SH3RF2: variants seen among roughly 807,000 people sequenced by gnomAD.
The protein encoded by SH3RF2 is E3 ubiquitin-protein ligase SH3RF2.
Under a neutral mutation model 59.0 loss-of-function variants are expected in SH3RF2, and 43 were observed. The ratio of observed to expected loss-of-function variants is 0.73; its 90% CI spans 0.57 to 0.94. SH3RF2 has a LOEUF of 0.94. Ranked by LOEUF, SH3RF2 falls within the 40% of genes least tolerant of loss-of-function variation. SH3RF2 has a pLI of 0.00. For missense variants in SH3RF2, 930 were observed against 940.1 expected (o/e 0.99, Z 0.14); for synonymous variants, 391 against 391.5 (o/e 1.00, Z 0.01).
At chr5:145,943,628 A>G (rs1309304908) in intron 2 of SH3RF2, among the ~76,000 whole-genome samples, 4 of 152,196 alleles carry the variant, frequency 2.6e-5, no homozygotes, top group Non-Finnish European at 4.4e-5. Context: ...CACTTAAGTG[A>G]TCAGGGTAAT....
chr5:146,010,109 A>G (rs1178410867), intron 4 of SH3RF2, among the ~76,000 whole-genome samples: 3 of 150,958 alleles, frequency 2.0e-5, no homozygotes, highest in Admixed American at 2.0e-4. Flanking sequence ...ATTCCCACCT[A>G]TGAGTGAGAA....
chr5:145,995,037 A>C (rs1444755873), intron 2 of SH3RF2, among the ~76,000 whole-genome samples: 1 of 151,316 alleles, frequency 6.6e-6, no homozygotes, highest in Non-Finnish European at 1.5e-5. Context: ...TCATTCAGCA[A>C]GGTGGAAGTT....
Position 146,062,486 on chromosome 5 carries a change from C to T in SH3RF2, c.1975C>T (p.His659Tyr). 1 of 1,614,212 alleles carries T rather than the reference C, an allele frequency of 6.2e-7. No individual in the cohort carries two copies. The highest frequency in any genetic ancestry group is 8.5e-7 in the Non-Finnish European group (1 of 1,180,030). ...TCCTCCCACCAAACATTACACCTCC[C>T]ATCCCACCTCCGGAAAGCCTGAACA... ...SPPPTKHYTSHPTSGKPEQPA... is the reference protein window; with the variant it reads ...SPPPTKHYTSYPTSGKPEQPA... Residue 659 changes from histidine (H) to tyrosine (Y), a missense_variant, in exon 10 of 10, where the codon CAT becomes TAT. Transcript: ENST00000359120.
At chr5:145,955,045 C>T (rs961061276) in intron 2 of SH3RF2, among the ~76,000 whole-genome samples, 1 of 152,128 alleles carries the variant, frequency 6.6e-6, no homozygotes, top group Non-Finnish European at 1.5e-5. Flanking sequence ...ATGATCCAAT[C>T]GCCTCCCACT....
intron 3 of SH3RF2, among the ~76,000 whole-genome samples, chr5:146,003,072 G>C (rs1760492940): frequency 6.6e-6 from 1 of 152,216 alleles, no homozygotes; most frequent in South Asian, 2.1e-4. Flanking sequence ...GAATGTCAGA[G>C]AGATCAGAAG....
chr5:146,035,953 A>T (rs760098077), intron 5 of SH3RF2, among the ~76,000 whole-genome samples: 1 of 152,200 alleles, frequency 6.6e-6, no homozygotes. Context: ...CAGATGCTTT[A>T]CAAGCATCTT....
At chr5:145,974,284 A>C (rs1175016243) in intron 2 of SH3RF2, among the ~76,000 whole-genome samples, 3 of 152,152 alleles carry the variant, frequency 2.0e-5, no homozygotes, top group Admixed American at 2.0e-4. Flanking sequence ...AACATGAATT[A>C]ATCATAGGGT....
chr5:146,030,537 G>C (rs1359916574), intron 5 of SH3RF2, among the ~76,000 whole-genome samples: 2 of 152,184 alleles, frequency 1.3e-5, no homozygotes, highest in African/African-American at 2.4e-5. Context: ...GCCCTCATCT[G>C]TCTACGTCTG....
In SH3RF2 at chr5:146,013,828, T is replaced by A. The variant is rs1348223532; in HGVS notation, c.826T>A (p.Ser276Thr). 5 of 1,614,156 alleles carry A rather than the reference T, an allele frequency of 3.1e-6. No homozygotes were observed. Among genetic ancestry groups the A allele is most frequent in the Non-Finnish European group, 4.2e-6 (5 of 1,180,014 alleles). Reference protein sequence around the residue: ...SRTKNLSLVSSSSRGNTSTLR... With the variant: ...SRTKNLSLVSTSSRGNTSTLR... ...CACAAAAAACCTGTCCCTGGTGTCC[T>A]CGTCCTCCAGAGGCAACACGTCTAC... The change falls in exon 5 of 10, where the codon TCG (serine) becomes ACG (threonine). Residue 276 changes from serine to threonine, a missense_variant. Physicochemically the swap from Ser to Thr is moderately conservative, Grantham distance 58 (BLOSUM62 1). Transcript: ENST00000359120.
intron 7 of SH3RF2, chr5:146,050,223 C>T (rs1762448241): frequency 6.6e-6 from 1 of 152,252 alleles, no homozygotes; most frequent in Non-Finnish European, 1.5e-5. Flanking sequence ...TCACAATACA[C>T]TGTGTCAACA....
intron 2 of SH3RF2, among the ~76,000 whole-genome samples, chr5:145,944,480 CT>C (rs1757940096): frequency 6.6e-6 from 1 of 152,094 alleles, no homozygotes; most frequent in African/African-American, 2.4e-5. Flanking sequence ...TCCTGAGCAG[CT>C]ACAACTACAG....
chr5:146,004,032 G>C, intron 3 of SH3RF2, 26 bp from the exon 4 acceptor site: 1 of 1,601,318 alleles, frequency 6.2e-7, no homozygotes, highest in Non-Finnish European at 8.5e-7. Flanking sequence ...GAGAGTAAAT[G>C]CTGACCATGA....
intron 9 of SH3RF2, among the ~76,000 whole-genome samples, chr5:146,072,857 C>G (rs1447885172): frequency 1.3e-5 from 2 of 152,192 alleles, no homozygotes; most frequent in Admixed American, 6.5e-5. Context: ...AGTCATTTAA[C>G]TTTTCCAACC....
intron 4 of SH3RF2, among the ~76,000 whole-genome samples, chr5:146,006,353 C>T (rs1350521816): frequency 6.6e-6 from 1 of 151,882 alleles, no homozygotes; most frequent in African/African-American, 2.4e-5. Flanking sequence ...CCTAGGAGGT[C>T]GTGGCTACAG....
intron 4 of SH3RF2, among the ~76,000 whole-genome samples, chr5:146,007,766 A>G (rs1298069310): frequency 6.6e-6 from 1 of 152,182 alleles, no homozygotes; most frequent in Admixed American, 6.5e-5. Context: ...CCAGTGCTTC[A>G]TTTGTTCTCC....
At chr5:145,995,960 C>T (rs766418614) in intron 2 of SH3RF2, among the ~76,000 whole-genome samples, 7 of 152,120 alleles carry the variant, frequency 4.6e-5, no homozygotes, top group Non-Finnish European at 7.4e-5. Flanking sequence ...TCAACCAATT[C>T]CCTGTTTATT....
intron 2 of SH3RF2, among the ~76,000 whole-genome samples, chr5:145,939,503 C>T (rs7731746): frequency 6.6e-6 from 1 of 152,014 alleles, no homozygotes; most frequent in Non-Finnish European, 1.5e-5. Context: ...CCACCCATGG[C>T]GCATGTGTAA....
At chr5:146,064,727 A>AAAGG (rs1218422103), downstream of SH3RF2, among the ~76,000 whole-genome samples, 350 of 13,044 alleles carry the variant, frequency 0.027, 6 homozygotes, top group South Asian at 0.044. Flanking sequence ...AGAAAGAAAG[A>AAAGG]AAGGAAGGAA....
At chr5:145,942,567 TAA>T (rs1273952250) in intron 2 of SH3RF2, among the ~76,000 whole-genome samples, 1 of 152,152 alleles carries the variant, frequency 6.6e-6, no homozygotes, top group Non-Finnish European at 1.5e-5. Context: ...TTGTGTCCTG[TAA>T]TAGAGCTGTG....
Sources: allele counts gnomAD v4.1 joint callset (sites outside exome capture counted in the v4.1 genomes callset), GRCh38; gene constraint gnomAD v4.1.1; transcripts MANE v1.5; gene names NCBI Gene and HGNC (gene_info 2026-07-23, HGNC 2026-07-21).